CASP10: variants seen among roughly 807,000 people sequenced by gnomAD.
The protein encoded by CASP10 is caspase-10.
CASP10 carries 41 observed loss-of-function variants against 48.5 expected under a neutral mutation model. The observed-to-expected ratio is 0.85, with a 90% CI of 0.66 to 1.10. The LOEUF (loss-of-function observed/expected upper bound fraction) is 1.10, where lower values mean the gene tolerates loss of function less well. Among genes scored for constraint, CASP10 ranks in the 50% least tolerant of loss-of-function variants. CASP10 has a pLI of 0.00. For missense variants in CASP10, 614 were observed against 614.5 expected, an observed-to-expected ratio of 1.00 and a Z score of 0.01; for synonymous variants, 232 against 238.4, an observed-to-expected ratio of 0.97 and a Z score of 0.25.
rs938377959 is a variant in CASP10 at position 201,191,906 on chromosome 2, A to G, written c.442-1078A>G. Among the ~76,000 whole-genome samples the G allele has an allele frequency of 6.6e-5, 10 of 152,228 alleles. 1 individual carries two copies. Among genetic ancestry groups the G allele is most frequent in the Non-Finnish European group, 1.3e-4 (9 of 68,050 alleles). On this transcript the variant is annotated intron_variant, in intron 3 of 9. Transcript: ENST00000286186. ...CTCTTTAACAAAAAAGCAAAAAAAG[A>G]ACTTTCAGATGTTTGCTGCTAGTAT...
intron 5 of CASP10, among the ~76,000 whole-genome samples, chr2:201,202,463 A>G (rs1384241931): frequency 1.3e-5 from 2 of 152,232 alleles, no homozygotes; most frequent in Non-Finnish European, 2.9e-5. Context: ...CAAGGGAAGA[A>G]CAAATCAAGG....
chr2:201,183,841 G>T (rs954597851), intron 1 of CASP10, among the ~76,000 whole-genome samples: 1 of 151,006 alleles, frequency 6.6e-6, no homozygotes, highest in East Asian at 1.9e-4. Flanking sequence ...TTTGATTTTT[G>T]CTGTGTCTTC....
rs41345947 is a variant in CASP10, at chr2:201,194,189, G to A, written c.577+1070G>A. 1.8e-4 allele frequency among the ~76,000 whole-genome samples: 28 copies of A among 152,132 alleles called. No homozygotes were observed. The South Asian group carries it at 3.9e-3, about 21-fold the overall frequency. ...ATACAGATAGAAGCACAGGGCAAAAGTCAAACCTGGCTGCCTTACCACGTG... is the reference window on the plus strand; with the variant it reads ...ATACAGATAGAAGCACAGGGCAAAAATCAAACCTGGCTGCCTTACCACGTG... On this transcript the variant is annotated intron_variant, in intron 4 of 9. Transcript: ENST00000286186.
intron 9 of CASP10, chr2:201,213,582 G>GTC (rs1160142178): frequency 6.6e-6 from 1 of 152,158 alleles, no homozygotes; most frequent in East Asian, 1.9e-4. Flanking sequence ...GAGATTTGCT[G>GTC]TAAGTCATCA....
rs1291280724 is a variant in CASP10 at position 201,185,938 on chromosome 2, A to G, written c.161A>G (p.Lys54Arg). Residue 54 changes from lysine to arginine, a missense_variant, in exon 2 of 10, where the codon AAG (lysine) becomes AGG (arginine). Transcript: ENST00000286186. The part of the protein sequence containing the change: ...IGLVPNKKLE[K>R]SSSASDVFEH... ...TTGGTCCCCAACAAGAAGCTGGAGA[A>G]GTCCAGCTCAGCCTCAGATGTTTTT... 3.1e-6 allele frequency: 5 copies of G among 1,614,108 alleles called. No homozygotes were observed. Among genetic ancestry groups the G allele is most frequent in the Non-Finnish European group, 4.2e-6 (5 of 1,179,950 alleles).
At chr2:201,213,121 T>C (rs1214922289) in intron 9 of CASP10, 1 of 152,194 alleles carries the variant, frequency 6.6e-6, no homozygotes, top group Admixed American at 6.5e-5. Context: ...ATATTTTTGG[T>C]TCCTAAGACC....
intron 5 of CASP10, among the ~76,000 whole-genome samples, chr2:201,199,829 C>T (rs1944949878): frequency 6.6e-6 from 1 of 152,170 alleles, no homozygotes; most frequent in African/African-American, 2.4e-5. Context: ...CTGCCCCAGC[C>T]TCCCAAAGTG....
At chr2:201,202,486 T>C (rs1945054070) in intron 5 of CASP10, among the ~76,000 whole-genome samples, 1 of 152,214 alleles carries the variant, frequency 6.6e-6, no homozygotes, top group Non-Finnish European at 1.5e-5. Context: ...AGCCAGGGCC[T>C]GGAGGGGCTG....
Position 201,209,248 on chromosome 2 carries a change from G to A in CASP10, c.1101G>A (p.Ser367=), listed in dbSNP as rs1300529029. 2 of 1,614,106 alleles carry A rather than the reference G, an allele frequency of 1.2e-6. No homozygotes were observed. The highest frequency in any genetic ancestry group is 1.1e-5 in the South Asian group (1 of 91,080). Residue 367 remains serine (S), a synonymous_variant, in exon 9 of 10, where the codon TCG becomes TCA. Transcript: ENST00000286186. ...GGAGATTTGGAGCTGTCTACTCTTC[G>A]GATGAGGCCCTCATTCCCATTCGGG... ...THGRFGAVYS[S]DEALIPIREI... is the part of the protein sequence containing the mutation.
chr2:201,217,552 C>T (rs921908049), intron 9 of CASP10, 36 bp from the exon 10 acceptor site: 3 of 1,485,374 alleles, frequency 2.0e-6, no homozygotes, highest in Non-Finnish European at 2.8e-6. Context: ...GAGTGAGACT[C>T]CGTAAAAAAA....
rs1388562266 is a variant in CASP10 at position 201,220,955 on chromosome 2, CT to C, written c.*3220del. ...AGAGACACTAACTAAATCAAGCTAGCTTTTTTCAGCCTTGTCTGTAAAGTAG... is the reference window on the plus strand; with the variant it reads ...AGAGACACTAACTAAATCAAGCTAGCTTTTTCAGCCTTGTCTGTAAAGTAG... On this transcript the variant is annotated 3_prime_UTR_variant, in exon 10 of 10. Transcript: ENST00000286186. The C allele has an allele frequency of 1.0e-6, 1 of 985,300 alleles. No homozygotes were observed. Among genetic ancestry groups the C allele is most frequent in the African/African-American group, 1.7e-5 (1 of 57,224 alleles). 61.0% of individuals were successfully genotyped at this position (985,300 alleles called of 1,614,324 possible). A position where few individuals can be genotyped will look rare whatever the true frequency, so the allele number is the denominator to read the frequency against.
At chr2:201,201,473 AAC>A (rs41484150) in intron 5 of CASP10, among the ~76,000 whole-genome samples, 42 of 148,968 alleles carry the variant, frequency 2.8e-4, no homozygotes, top group South Asian at 6.4e-4. Context: ...TGCATGTAGA[AAC>A]ACACACACAC....
intron 9 of CASP10, among the ~76,000 whole-genome samples, chr2:201,211,019 T>C (rs376418726): frequency 1.3e-5 from 2 of 152,162 alleles, no homozygotes; most frequent in African/African-American, 2.4e-5. Flanking sequence ...TACATATATG[T>C]GTTGTATAAT....
chr2:201,199,481 T>C (rs1944932276), intron 5 of CASP10, among the ~76,000 whole-genome samples: 1 of 151,558 alleles, frequency 6.6e-6, no homozygotes, highest in South Asian at 2.1e-4. Flanking sequence ...TGAGACCCTC[T>C]CTAAAAGAAA....
In CASP10 at chr2:201,209,474, G is replaced by A; in HGVS notation, c.1327G>A (p.Val443Ile). The change falls in exon 9 of 10, where the codon GTC becomes ATC. Residue 443 changes from valine (V) to isoleucine (I), a missense_variant. Physicochemically the swap from Val to Ile is conservative, Grantham distance 29 (BLOSUM62 3). Coordinates refer to ENST00000286186, the MANE Select transcript of CASP10 (RefSeq NM_032977.4). ...EADFLLGLATVPGYVSFRHVE... is the reference protein window; with the variant it reads ...EADFLLGLATIPGYVSFRHVE... ...TGACTTCCTACTTGGTCTGGCCACTGTCCCAGGCTATGTATCCTTTCGGCA... is the reference window on the plus strand; with the variant it reads ...TGACTTCCTACTTGGTCTGGCCACTATCCCAGGCTATGTATCCTTTCGGCA... 2 of 1,614,086 alleles carry A rather than the reference G, an allele frequency of 1.2e-6. No homozygotes were observed. The highest frequency in any genetic ancestry group is 1.7e-6 in the Non-Finnish European group (2 of 1,179,966).
At chr2:201,209,023 C>G in intron 8 of CASP10, 47 bp from the exon 9 acceptor site, 1 of 1,577,648 alleles carries the variant, frequency 6.3e-7, no homozygotes, top group Non-Finnish European at 8.6e-7. Flanking sequence ...ATTATTTCCC[C>G]TTTCTCTCTC....
intron 7 of CASP10, chr2:201,206,205 A>G: frequency 2.4e-6 from 1 of 421,278 alleles, no homozygotes; most frequent in Non-Finnish European, 4.4e-6. Flanking sequence ...TGTGGAGGAA[A>G]TGCTGTTACA....
At chr2:201,185,161 T>G (rs1387038393) in intron 1 of CASP10, among the ~76,000 whole-genome samples, 1 of 151,982 alleles carries the variant, frequency 6.6e-6, no homozygotes, top group Non-Finnish European at 1.5e-5. Context: ...CCCTGATAAT[T>G]TTTTGTATTT....
intron 7 of CASP10, among the ~76,000 whole-genome samples, chr2:201,207,637 G>A (rs1945249960): frequency 6.6e-6 from 1 of 151,902 alleles, no homozygotes; most frequent in South Asian, 2.1e-4. Flanking sequence ...GGCGCCTGTA[G>A]TCCCAGCTAC....
Sources: gnomAD v4.1 joint callset for allele counts (sites outside exome capture counted in the v4.1 genomes callset) on GRCh38, gnomAD v4.1.1 for gene constraint, MANE v1.5 for transcripts, NCBI Gene and HGNC (gene_info 2026-07-23, HGNC 2026-07-21) for gene names.